The following EPB41L5 variants were observed in gnomAD, a reference collection of about 807,000 sequenced individuals.
EPB41L5 encodes band 4.1-like protein 5.
Under a neutral mutation model 106.6 loss-of-function variants are expected in EPB41L5, and 55 were observed. That is an observed-to-expected ratio of 0.52 (90% CI 0.42 to 0.65). EPB41L5 has a LOEUF of 0.65. Ranked by LOEUF, EPB41L5 falls within the 30% of genes least tolerant of loss-of-function variation. The pLI is 0.00. For synonymous variants in EPB41L5, 297 were observed against 306.7 expected, an observed-to-expected ratio of 0.97 and a Z score of 0.33; for missense variants, 871 against 882.1, an observed-to-expected ratio of 0.99 and a Z score of 0.16.
chr2:120,095,487 G>T (rs942499715), intron 14 of EPB41L5, among the ~76,000 whole-genome samples: 1 of 149,410 alleles, frequency 6.7e-6, no homozygotes, highest in South Asian at 2.1e-4. Flanking sequence ...GAGTCTGTTC[G>T]CTTCTCTTTA....
At chr2:120,064,939 A>G (rs1235220974) in intron 3 of EPB41L5, among the ~76,000 whole-genome samples, 1 of 152,188 alleles carries the variant, frequency 6.6e-6, no homozygotes, top group South Asian at 2.1e-4. Context: ...AACATCACCC[A>G]GAACTCCCAC....
intron 20 of EPB41L5, among the ~76,000 whole-genome samples, chr2:120,159,572 C>A (rs1234306388): frequency 6.6e-6 from 1 of 151,872 alleles, no homozygotes; most frequent in Non-Finnish European, 1.5e-5. Flanking sequence ...TCATATGGAA[C>A]CAAAAAAAAG....
chr2:120,049,601 G>T (rs1394607744), intron 3 of EPB41L5, among the ~76,000 whole-genome samples: 2 of 151,940 alleles, frequency 1.3e-5, no homozygotes, highest in Non-Finnish European at 2.9e-5. Context: ...TACACTGGGG[G>T]GTCTTGACTC....
At position 120,048,022 on chromosome 2, in the gene EPB41L5, T is replaced by C. The variant is rs1011812009; in HGVS notation, c.285+5912T>C. ...TCCAGGGATGAAGCCCACTTGATCA[T>C]GGTGGATAAGCTTTTTGATGTGCTC... On this transcript the variant is annotated intron_variant, in intron 3 of 24. Coordinates refer to ENST00000263713, the MANE Select transcript of EPB41L5 (RefSeq NM_020909.4). Among the ~76,000 whole-genome samples, 66 of 152,224 alleles carry C rather than the reference T, an allele frequency of 4.3e-4. 2 individuals carry two copies. Among genetic ancestry groups the C allele is most frequent in the Admixed American group, 6.5e-5 (1 of 15,278 alleles).
intron 18 of EPB41L5, among the ~76,000 whole-genome samples, chr2:120,138,711 T>C (rs1287520968): frequency 1.3e-5 from 2 of 152,058 alleles, no homozygotes; most frequent in Non-Finnish European, 2.9e-5. Flanking sequence ...AGATATTCCA[T>C]GTTCATGGAT....
In EPB41L5 at chr2:120,051,290, C is replaced by G. The variant is rs544559873; in HGVS notation, c.285+9180C>G. 9.8e-4 allele frequency among the ~76,000 whole-genome samples: 149 copies of G among 152,328 alleles called. 1 individual carries two copies. The South Asian group carries it at 0.03, about 31-fold the overall frequency. Reference sequence around the variant, plus strand: ...GAGGCAGGCAGGCCTCCTTGAGCTGCGGTGGGCTCCACCCAGTTCAAGCTT... The same window carrying G: ...GAGGCAGGCAGGCCTCCTTGAGCTGGGGTGGGCTCCACCCAGTTCAAGCTT... On this transcript the variant is annotated intron_variant, in intron 3 of 24. Coordinates refer to ENST00000263713, the MANE Select transcript of EPB41L5 (RefSeq NM_020909.4).
At chr2:120,108,995 G>C (rs1158246992) in intron 16 of EPB41L5, among the ~76,000 whole-genome samples, 1 of 152,196 alleles carries the variant, frequency 6.6e-6, no homozygotes, top group Non-Finnish European at 1.5e-5. Context: ...TGGGGCATTT[G>C]TTGCAGTGAA....
intron 18 of EPB41L5, among the ~76,000 whole-genome samples, chr2:120,139,719 C>T (rs1686087995): frequency 6.6e-6 from 1 of 151,974 alleles, no homozygotes; most frequent in Non-Finnish European, 1.5e-5. Flanking sequence ...AACCCTTGTA[C>T]ACTGTTGGTG....
chr2:120,131,021 T>C (rs1366957996), intron 17 of EPB41L5, among the ~76,000 whole-genome samples: 1 of 152,242 alleles, frequency 6.6e-6, no homozygotes, highest in East Asian at 1.9e-4. Flanking sequence ...AGATGAATTG[T>C]GTTTAATGTA....
rs1687960193 is a variant in EPB41L5, at chr2:120,177,468, C to T, written c.*2561C>T. On this transcript the variant is annotated 3_prime_UTR_variant, in exon 25 of 25. Transcript: ENST00000263713. ...GACAGGAGAGGAACCTCAACTCAGT[C>T]CATTTCATAGCCCTGATAGGGGAAG... 1.3e-5 allele frequency: 2 copies of T among 152,196 alleles called. No individual in the cohort carries two copies. The highest frequency in any genetic ancestry group is 2.9e-5 in the Non-Finnish European group (2 of 68,080). The allele number at this position is 152,196 out of a possible 1,614,324, so 9.4% of individuals were successfully genotyped here. A position where few individuals can be genotyped will look rare whatever the true frequency, so the allele number is the denominator to read the frequency against.
At chr2:120,141,898 T>C (rs189527278) in intron 18 of EPB41L5, among the ~76,000 whole-genome samples, 4 of 152,176 alleles carry the variant, frequency 2.6e-5, no homozygotes, top group African/African-American at 9.6e-5. Context: ...AGGAAAGTGT[T>C]TCCTAACAGT....
At chr2:120,022,617 A>T (rs1308393421) in intron 2 of EPB41L5, among the ~76,000 whole-genome samples, 1 of 152,098 alleles carries the variant, frequency 6.6e-6, no homozygotes, top group Non-Finnish European at 1.5e-5. Context: ...AGTCTTTGCT[A>T]TTGTGAATAG....
At chr2:120,054,943 C>T (rs1049327833) in intron 3 of EPB41L5, among the ~76,000 whole-genome samples, 2 of 150,250 alleles carry the variant, frequency 1.3e-5, no homozygotes, top group Non-Finnish European at 3.0e-5. Flanking sequence ...CTTGGCCCAC[C>T]ACGACCTCTG....
At chr2:120,089,636 G>A (rs928141630) in intron 11 of EPB41L5, among the ~76,000 whole-genome samples, 10 of 151,762 alleles carry the variant, frequency 6.6e-5, no homozygotes, top group Admixed American at 2.0e-4. Flanking sequence ...TTTTTTGGAC[G>A]TTTAGGGTTT....
chr2:120,127,624 A>T, intron 16 of EPB41L5, 64 bp from the exon 17 acceptor site: 2 of 1,347,158 alleles, frequency 1.5e-6, no homozygotes, highest in Non-Finnish European at 2.1e-6. Context: ...ACAGAGGGTG[A>T]GTAGTGTTTT....
rs370727175 is a variant in EPB41L5 at position 120,135,451 on chromosome 2, G to A, written c.1599+3736G>A. On this transcript the variant is annotated intron_variant, in intron 18 of 24. Coordinates refer to ENST00000263713, the MANE Select transcript of EPB41L5 (RefSeq NM_020909.4). ...TTCAAGTACAAGAAGGATATAGAAC[G>A]CCAAGCAGACTTAACCCAAATAGGA... 4.5e-4 allele frequency among the ~76,000 whole-genome samples: 68 copies of A among 152,196 alleles called. 1 individual carries two copies. In the South Asian group the frequency reaches 0.013, roughly 30 times the overall value.
intron 21 of EPB41L5, among the ~76,000 whole-genome samples, chr2:120,164,203 G>A (rs1356757712): frequency 2.6e-5 from 4 of 151,362 alleles, no homozygotes; most frequent in Non-Finnish European, 5.9e-5. Context: ...AGGAGTGCCC[G>A]GCTGTATTTA....
intron 24 of EPB41L5, among the ~76,000 whole-genome samples, chr2:120,170,199 G>GT (rs550226127): frequency 3.3e-5 from 5 of 152,358 alleles, no homozygotes; most frequent in African/African-American, 9.6e-5. Context: ...AAATGTAGCA[G>GT]TATAGATGAA....
chr2:120,161,572 A>AG (rs1415822037), intron 21 of EPB41L5, among the ~76,000 whole-genome samples: 1 of 152,120 alleles, frequency 6.6e-6, no homozygotes, highest in Non-Finnish European at 1.5e-5. Flanking sequence ...GCATGCAAAT[A>AG]GGGACTAAGT....
Sources: gnomAD v4.1 joint callset for allele counts (sites outside exome capture counted in the v4.1 genomes callset) on GRCh38, gnomAD v4.1.1 for gene constraint, MANE v1.5 for transcripts, NCBI Gene and HGNC (gene_info 2026-07-23, HGNC 2026-07-21) for gene names.